Variants in PDZRN4 observed in about 807,000 individuals in gnomAD.
The protein encoded by PDZRN4 is PDZ domain-containing RING finger protein 4.
Under a neutral mutation model 99.0 loss-of-function variants are expected in PDZRN4, and 70 were observed. The observed-to-expected ratio is 0.71, with a 90% CI of 0.58 to 0.86. The LOEUF is 0.86. PDZRN4 is among the 40% of genes least tolerant of loss of function. The pLI is 0.00. For missense variants in PDZRN4, 1,474 were observed against 1,331.2 expected (o/e 1.11, Z -1.67); for synonymous variants, 551 against 501.6 (o/e 1.10, Z -1.32).
intron 3 of PDZRN4, among the ~76,000 whole-genome samples, chr12:41,477,644 C>G (rs1049256622): frequency 3.3e-5 from 5 of 152,044 alleles, no homozygotes; most frequent in African/African-American, 9.7e-5. Context: ...AAAACATAAG[C>G]CTTTTTTAGT....
At chr12:41,441,013 TAAATC>T (rs1232729937) in intron 3 of PDZRN4, among the ~76,000 whole-genome samples, 12 of 152,132 alleles carry the variant, frequency 7.9e-5, no homozygotes, top group Non-Finnish European at 1.5e-4. Flanking sequence ...TAATAATACT[TAAATC>T]TAATGACGTT....
intron 3 of PDZRN4, among the ~76,000 whole-genome samples, chr12:41,385,295 A>C (rs903341821): frequency 6.6e-6 from 1 of 152,210 alleles, no homozygotes; most frequent in Non-Finnish European, 1.5e-5. Flanking sequence ...GGCAATGGAC[A>C]TGGCCTTGCA....
At chr12:41,404,819 T>C (rs1952332491) in intron 3 of PDZRN4, among the ~76,000 whole-genome samples, 1 of 150,046 alleles carries the variant, frequency 6.7e-6, no homozygotes, top group Admixed American at 6.6e-5. Context: ...AACTTAGAAA[T>C]GAAGTCATAC....
At chr12:41,367,079 A>G (rs1174653077) in intron 3 of PDZRN4, among the ~76,000 whole-genome samples, 1 of 152,070 alleles carries the variant, frequency 6.6e-6, no homozygotes, top group African/African-American at 2.4e-5. Flanking sequence ...ACAAGAGGCA[A>G]AAATATAGAC....
At chr12:41,287,602 T>C (rs1408446921) in intron 3 of PDZRN4, among the ~76,000 whole-genome samples, 6 of 152,242 alleles carry the variant, frequency 3.9e-5, no homozygotes, top group African/African-American at 1.4e-4. Context: ...GAAAATCTCT[T>C]GCCTTCTTTT....
intron 5 of PDZRN4, among the ~76,000 whole-genome samples, chr12:41,548,761 A>G (rs1274901663): frequency 6.6e-6 from 1 of 152,006 alleles, no homozygotes; most frequent in Non-Finnish European, 1.5e-5. Flanking sequence ...TTTTTTTCTA[A>G]GTTTCTCATT....
At chr12:41,252,800 G>C (rs977533605) in intron 3 of PDZRN4, among the ~76,000 whole-genome samples, 10 of 152,110 alleles carry the variant, frequency 6.6e-5, no homozygotes, top group African/African-American at 2.4e-4. Flanking sequence ...TGAGACTAGG[G>C]AGTAAGTAGG....
chr12:41,566,377 A>C (rs1939371068), intron 8 of PDZRN4, among the ~76,000 whole-genome samples: 1 of 152,202 alleles, frequency 6.6e-6, no homozygotes, highest in African/African-American at 2.4e-5. Context: ...TGGCATTTGT[A>C]GCTTTATGAT....
chr12:41,210,600 ATT>A (rs1344044033), intron 3 of PDZRN4, among the ~76,000 whole-genome samples: 1 of 151,980 alleles, frequency 6.6e-6, no homozygotes, highest in Non-Finnish European at 1.5e-5. Flanking sequence ...AATACTTTAA[ATT>A]ATTTTACTTG....
chr12:41,498,088 A>C (rs1483189667), intron 3 of PDZRN4, among the ~76,000 whole-genome samples: 1 of 151,998 alleles, frequency 6.6e-6, no homozygotes, highest in Admixed American at 6.6e-5. Context: ...AGGCTCCCCA[A>C]ATTTTAAGAT....
chr12:41,358,556 C>G (rs1196502548), intron 3 of PDZRN4, among the ~76,000 whole-genome samples: 3 of 151,940 alleles, frequency 2.0e-5, no homozygotes, highest in African/African-American at 4.8e-5. Flanking sequence ...ATGTCACCAG[C>G]TAGTAAGTCA....
chr12:41,395,870 T>C (rs1952242578), intron 3 of PDZRN4, among the ~76,000 whole-genome samples: 1 of 152,114 alleles, frequency 6.6e-6, no homozygotes, highest in Non-Finnish European at 1.5e-5. Context: ...ATTAAAAATT[T>C]TATAGGAATG....
At chr12:41,373,341 C>T (rs1952056968) in intron 3 of PDZRN4, among the ~76,000 whole-genome samples, 1 of 152,056 alleles carries the variant, frequency 6.6e-6, no homozygotes, top group Non-Finnish European at 1.5e-5. Flanking sequence ...TCCTAATAAG[C>T]CTGGGAGCGC....
At position 41,191,471 on chromosome 12, in the gene PDZRN4, A is replaced by G. The variant is rs542974500; in HGVS notation, c.662A>G (p.Lys221Arg). 6.5e-7 allele frequency: 1 copy of G among 1,543,826 alleles called. No homozygotes were observed. Among genetic ancestry groups the G allele is most frequent in the Non-Finnish European group, 8.8e-7 (1 of 1,130,646 alleles). The change falls in exon 2 of 10, where the codon AAG (lysine) becomes AGG (arginine). Residue 221 changes from lysine to arginine, a missense_variant. By Grantham distance (26) the Lys-to-Arg change is conservative (BLOSUM62 2). Coordinates refer to ENST00000402685, the MANE Select transcript of PDZRN4 (RefSeq NM_001164595.2). ...GGGHRRDGEH[K>R]PFTIVLEREN... is the part of the protein sequence containing the mutation. The stretch of plus-strand genomic sequence containing the variant: ...ATTTTTTTCTAGGATGGAGAGCATA[A>G]GCCATTCACTATTGTGTTAGAAAGA...
At chr12:41,293,670 C>T (rs1951471954) in intron 3 of PDZRN4, among the ~76,000 whole-genome samples, 1 of 152,056 alleles carries the variant, frequency 6.6e-6, no homozygotes, top group South Asian at 2.1e-4. Context: ...AGGAAATCAC[C>T]CTGGAAATTA....
chr12:41,510,482 G>A (rs931751027), intron 5 of PDZRN4, among the ~76,000 whole-genome samples: 4 of 152,026 alleles, frequency 2.6e-5, no homozygotes, highest in African/African-American at 4.8e-5. Context: ...ATAACAATTC[G>A]AAAAGTCCAT....
At chr12:41,403,929 A>G (rs1235740167) in intron 3 of PDZRN4, among the ~76,000 whole-genome samples, 1 of 152,182 alleles carries the variant, frequency 6.6e-6, no homozygotes, top group African/African-American at 2.4e-5. Context: ...ATAAGAAGGG[A>G]GTACAGTTGT....
chr12:41,472,287 GC>G (rs1369101165), intron 3 of PDZRN4, among the ~76,000 whole-genome samples: 2 of 152,158 alleles, frequency 1.3e-5, no homozygotes, highest in Non-Finnish European at 1.5e-5. Context: ...ACAGGCATGA[GC>G]CACGGCGCCT....
At chr12:41,354,401 C>A (rs1951912568) in intron 3 of PDZRN4, among the ~76,000 whole-genome samples, 1 of 151,768 alleles carries the variant, frequency 6.6e-6, no homozygotes, top group Non-Finnish European at 1.5e-5. Flanking sequence ...TGAGAACAAC[C>A]CAAAGATTAT....
Sources: gnomAD v4.1 joint callset for allele counts (sites outside exome capture counted in the v4.1 genomes callset) on GRCh38, gnomAD v4.1.1 for gene constraint, MANE v1.5 for transcripts, NCBI Gene and HGNC (gene_info 2026-07-23, HGNC 2026-07-21) for gene names.